CUX2: variants seen among roughly 807,000 people sequenced by gnomAD.
The protein encoded by CUX2 is homeobox protein cut-like 2.
CUX2 carries 40 observed loss-of-function variants against 144.8 expected under a neutral mutation model. The ratio of observed to expected loss-of-function variants is 0.28; its 90% CI spans 0.21 to 0.36. The LOEUF (loss-of-function observed/expected upper bound fraction) is 0.36. Among genes scored for constraint, CUX2 ranks in the 10% least tolerant of loss-of-function variants. CUX2 has a pLI of 1.00. For synonymous variants in CUX2, 827 were observed against 875.6 expected, an observed-to-expected ratio of 0.94 and a Z score of 0.98; for missense variants, 1,615 against 1,994.0, an observed-to-expected ratio of 0.81 and a Z score of 3.62.
chr12:111,233,940 C>T (rs529628922), intron 3 of CUX2, among the ~76,000 whole-genome samples: 8 of 152,188 alleles, frequency 5.3e-5, no homozygotes, highest in Admixed American at 1.3e-4. Flanking sequence ...GGGATCCAGG[C>T]GTCTACCATC....
chr12:111,207,654 C>T (rs2136217299), intron 1 of CUX2, among the ~76,000 whole-genome samples: 1 of 152,254 alleles, frequency 6.6e-6, no homozygotes, highest in East Asian at 1.9e-4. Context: ...ACAAGAGATA[C>T]TGTACATAAA....
At chr12:111,105,521 G>T (rs1288076223) in intron 1 of CUX2, among the ~76,000 whole-genome samples, 2 of 151,900 alleles carry the variant, frequency 1.3e-5, no homozygotes, top group Admixed American at 6.5e-5. Flanking sequence ...TCACGCACGT[G>T]TGCATGTGAG....
chr12:111,042,703 C>T (rs1346575041), intron 1 of CUX2, among the ~76,000 whole-genome samples: 1 of 152,102 alleles, frequency 6.6e-6, no homozygotes, highest in Non-Finnish European at 1.5e-5. Flanking sequence ...GCCATCAGGG[C>T]TCACTGCAGC....
At chr12:111,299,913 C>T (rs1393657579) in intron 9 of CUX2, among the ~76,000 whole-genome samples, 2 of 152,160 alleles carry the variant, frequency 1.3e-5, no homozygotes, top group Non-Finnish European at 2.9e-5. Flanking sequence ...GGGTCATACT[C>T]TGTCGCCCAG....
chr12:111,282,926 C>T (rs1885189803), intron 4 of CUX2, among the ~76,000 whole-genome samples: 1 of 151,892 alleles, frequency 6.6e-6, no homozygotes, highest in African/African-American at 2.4e-5. Context: ...CTAGAGGATA[C>T]CATAGGTCGG....
intron 9 of CUX2, among the ~76,000 whole-genome samples, chr12:111,300,014 T>C (rs1886212481): frequency 6.6e-6 from 1 of 152,198 alleles, no homozygotes; most frequent in Non-Finnish European, 1.5e-5. Context: ...AGGTAGCCAG[T>C]TAGCTGGGAA....
At chr12:111,055,132 C>T (rs1416695893) in intron 1 of CUX2, among the ~76,000 whole-genome samples, 1 of 152,210 alleles carries the variant, frequency 6.6e-6, no homozygotes, top group Non-Finnish European at 1.5e-5. Context: ...TGTCCAGGTT[C>T]CCTCTTTTCT....
At chr12:111,100,068 A>G (rs1164162233) in intron 1 of CUX2, 1 of 456,676 alleles carries the variant, frequency 2.2e-6, no homozygotes, top group African/African-American at 2.0e-5. Flanking sequence ...GTGTCTGGAC[A>G]CTTCTGGGAG....
intron 1 of CUX2, chr12:111,100,263 T>C: frequency 2.8e-6 from 1 of 351,136 alleles, no homozygotes; most frequent in Admixed American, 3.8e-5. Context: ...TTGTGCCCCT[T>C]TGTGTGTCCA....
rs1173622492 is a variant in CUX2, at chr12:111,034,610, C to T, written c.63+370C>T. Among the ~76,000 whole-genome samples the T allele has an allele frequency of 6.6e-6, 1 of 151,220 alleles. No homozygotes were observed. Among genetic ancestry groups the T allele is most frequent in the East Asian group, 1.9e-4 (1 of 5,156 alleles). On this transcript the variant is annotated intron_variant, in intron 1 of 21. Coordinates refer to ENST00000261726, the MANE Select transcript of CUX2 (RefSeq NM_015267.4). The surrounding 1 kb of genome is among the most constrained non-coding windows in gnomAD (Gnocchi z 4.2). ...GGTCCCCCCTGAGCCGCACTTTGCG[C>T]GCCTCCCAACTTCGCGGCGCCCGGG...
intron 1 of CUX2, among the ~76,000 whole-genome samples, chr12:111,183,728 T>A (rs1484351308): frequency 6.6e-6 from 1 of 152,082 alleles, no homozygotes; most frequent in African/African-American, 2.4e-5. Flanking sequence ...TAGAATGAGG[T>A]CATACACATC....
rs189863186 is a variant in CUX2 at position 111,255,661 on chromosome 12, G to A, written c.223-8100G>A. Among the ~76,000 whole-genome samples, 17 of 152,286 alleles carry A rather than the reference G, an allele frequency of 1.1e-4. No homozygotes were observed. The South Asian group carries it at 2.3e-3, about 20-fold the overall frequency. On this transcript the variant is annotated intron_variant, in intron 3 of 21. Coordinates refer to ENST00000261726, the MANE Select transcript of CUX2 (RefSeq NM_015267.4). This position sits in a 1 kb window ranked among gnomAD's most constrained non-coding sequence, Gnocchi z 4.1. ...ATGTGGCCATCACCCTCTGTGCCTCGACATCTTCATCTGTTAAATGGGATA... is the reference window on the plus strand; with the variant it reads ...ATGTGGCCATCACCCTCTGTGCCTCAACATCTTCATCTGTTAAATGGGATA...
intron 12 of CUX2, among the ~76,000 whole-genome samples, chr12:111,308,066 G>A (rs1288983106): frequency 6.6e-6 from 1 of 152,236 alleles, no homozygotes; most frequent in Non-Finnish European, 1.5e-5. Flanking sequence ...AAGCTGGCCA[G>A]AATGGGTCAG....
At chr12:111,214,959 C>A (rs551634922) in intron 2 of CUX2, among the ~76,000 whole-genome samples, 3 of 152,142 alleles carry the variant, frequency 2.0e-5, no homozygotes, top group Admixed American at 2.0e-4. Flanking sequence ...CTCTCGCAGG[C>A]CCCCCTATTG....
Position 111,320,890 on chromosome 12 carries a change from G to A in CUX2, c.2766+115G>A, listed in dbSNP as rs1887494601. 2.7e-5 allele frequency: 31 copies of A among 1,144,170 alleles called. No individual in the cohort carries two copies. In the East Asian group the frequency reaches 9.5e-4, roughly 35 times the overall value. The allele number at this position is 1,144,170 out of a possible 1,614,324, so 70.9% of individuals were successfully genotyped here. On this transcript the variant is annotated intron_variant, in intron 17 of 21. Coordinates refer to ENST00000261726, the MANE Select transcript of CUX2 (RefSeq NM_015267.4). This position sits in a 1 kb window ranked among gnomAD's most constrained non-coding sequence, Gnocchi z 8.1. ...AGGGGCCCAGGCCCTTCATTCCTGA[G>A]TCCTGCTGTCCCTGGGTCCCGCAGG...
At chr12:111,317,245 A>G (rs982480773) in intron 16 of CUX2, among the ~76,000 whole-genome samples, 3 of 152,184 alleles carry the variant, frequency 2.0e-5, no homozygotes, top group Admixed American at 6.5e-5. Context: ...GGTGTCGGGA[A>G]CGCTTCTCTG....
intron 1 of CUX2, among the ~76,000 whole-genome samples, chr12:111,213,302 T>C (rs58349216): frequency 0.016 from 2,376 of 152,318 alleles, 64 homozygotes; most frequent in African/African-American, 0.054. Context: ...CCATGACAAC[T>C]CATGGTGAAT....
chr12:111,069,533 T>TGTGTGTGTGTGTGTGTGTGCGCGCAC, intron 1 of CUX2, among the ~76,000 whole-genome samples: 1 of 148,264 alleles, frequency 6.7e-6, no homozygotes, highest in South Asian at 2.2e-4. Flanking sequence ...TGTGTGTGTG[T>TGTGTGTGTGTGTGTGTGTGCGCGCAC]GTGTGTGTGT....
rs548097434 is a variant in CUX2 at position 111,307,897 on chromosome 12, C to T, written c.1110-388C>T. ...ACTTGGGAGGCTGAGGCAGGAGAATCGCTTGAACCTGGGAGGCAGAGATCG... is the reference window on the plus strand; with the variant it reads ...ACTTGGGAGGCTGAGGCAGGAGAATTGCTTGAACCTGGGAGGCAGAGATCG... On this transcript the variant is annotated intron_variant, in intron 12 of 21. Transcript: ENST00000261726. The surrounding 1 kb of genome is among the most constrained non-coding windows in gnomAD (Gnocchi z 4.1). Among the ~76,000 whole-genome samples, 45 of 152,122 alleles carry T rather than the reference C, an allele frequency of 3.0e-4. 1 individual carries two copies. The highest frequency in any genetic ancestry group is 1.0e-3 in the African/African-American group (43 of 41,488).
Sources: allele counts gnomAD v4.1 joint callset (sites outside exome capture counted in the v4.1 genomes callset), GRCh38; gene constraint gnomAD v4.1.1; non-coding constraint Gnocchi (gnomAD v3.1); transcripts MANE v1.5; gene names NCBI Gene and HGNC (gene_info 2026-07-23, HGNC 2026-07-21).